CDH18: variants seen among roughly 807,000 people sequenced by gnomAD.
CDH18 encodes the protein cadherin 18.
A neutral mutation model predicts 67.9 loss-of-function variants in CDH18; 31 were observed. The ratio of observed to expected loss-of-function variants is 0.46; its 90% confidence interval spans 0.34 to 0.62. The LOEUF is 0.62. CDH18 is among the 20% of genes least tolerant of loss of function. CDH18 has a pLI of 0.01. For missense variants in CDH18, 890 were observed against 975.5 expected, an observed-to-expected ratio of 0.91 and a Z score of 1.17; for synonymous variants, 362 against 347.2, an observed-to-expected ratio of 1.04 and a Z score of -0.48.
chr5:20,407,647 A>G (rs1297684692), intron 1 of CDH18, among the ~76,000 whole-genome samples: 1 of 152,078 alleles, frequency 6.6e-6, no homozygotes, highest in Non-Finnish European at 1.5e-5. Context: ...AGCAGACTAG[A>G]TTAAACAGAA....
chr5:20,279,645 G>A (rs181322954), intron 1 of CDH18, among the ~76,000 whole-genome samples: 1 of 128,036 alleles, frequency 7.8e-6, no homozygotes, highest in Non-Finnish European at 1.6e-5. Context: ...GTTGCAGTGA[G>A]CCGAGATCAT....
At chr5:20,304,295 G>A (rs1736218312) in intron 1 of CDH18, 11 of 1,601,370 alleles carry the variant, frequency 6.9e-6, no homozygotes, top group Admixed American at 1.7e-5. Context: ...CTGATTTGCT[G>A]TAGGTTTTAA....
At chr5:19,550,347 C>G (rs1689683) in intron 8 of CDH18, among the ~76,000 whole-genome samples, 2 of 151,614 alleles carry the variant, frequency 1.3e-5, no homozygotes, top group African/African-American at 4.9e-5. Flanking sequence ...TGTGCCATGT[C>G]GGTGTGCTGC....
chr5:19,509,082 T>C (rs1258988240), intron 10 of CDH18, among the ~76,000 whole-genome samples: 1 of 152,076 alleles, frequency 6.6e-6, no homozygotes, highest in Non-Finnish European at 1.5e-5. Flanking sequence ...TTGGCCAGGC[T>C]GGTCTAGAAC....
Position 19,483,286 on chromosome 5 carries a change from T to G in CDH18, c.1882+15A>C. ...GAATTGCCATCATGCAAACTTAGGG[T>G]TTAGAATGACTTACCCAGGAGAATG... On this transcript the variant is annotated intron_variant, in intron 12 of 12. Transcript: ENST00000382275. The G allele has an allele frequency of 6.2e-7, 1 of 1,602,500 alleles. No homozygotes were observed. Among genetic ancestry groups the G allele is most frequent in the Non-Finnish European group, 8.5e-7 (1 of 1,173,814 alleles).
intron 2 of CDH18, among the ~76,000 whole-genome samples, chr5:20,074,465 T>A (rs1204660594): frequency 6.6e-6 from 1 of 152,140 alleles, no homozygotes; most frequent in African/African-American, 2.4e-5. Context: ...CTAAATAAAA[T>A]GTCTAAATAC....
intron 2 of CDH18, among the ~76,000 whole-genome samples, chr5:19,940,801 C>T (rs1465387296): frequency 6.6e-6 from 1 of 152,042 alleles, no homozygotes; most frequent in Non-Finnish European, 1.5e-5. Context: ...ATAGCACTTA[C>T]CACCAACAAC....
At chr5:20,517,786 C>T (rs532296279) in intron 1 of CDH18, among the ~76,000 whole-genome samples, 34 of 152,016 alleles carry the variant, frequency 2.2e-4, no homozygotes, top group Admixed American at 2.6e-4. Flanking sequence ...TTGCATGTTA[C>T]AGTAAGCATA....
At chr5:20,431,113 A>G (rs1015376529) in intron 1 of CDH18, among the ~76,000 whole-genome samples, 31 of 152,192 alleles carry the variant, frequency 2.0e-4, no homozygotes, top group African/African-American at 7.0e-4. Context: ...GTGTTAAAAT[A>G]AGCAGAAGTC....
chr5:20,421,702 G>A (rs1747872921), intron 1 of CDH18, among the ~76,000 whole-genome samples: 1 of 150,802 alleles, frequency 6.6e-6, no homozygotes, highest in African/African-American at 2.5e-5. Flanking sequence ...TATTAAAAAA[G>A]TAAAACTTGA....
chr5:20,374,936 C>A (rs1198051562), intron 1 of CDH18, among the ~76,000 whole-genome samples: 1 of 152,076 alleles, frequency 6.6e-6, no homozygotes, highest in Non-Finnish European at 1.5e-5. Flanking sequence ...ACCCTAGTAA[C>A]AATATAAATG....
At chr5:20,008,019 G>C (rs903391417) in intron 2 of CDH18, among the ~76,000 whole-genome samples, 1 of 151,756 alleles carries the variant, frequency 6.6e-6, no homozygotes, top group Non-Finnish European at 1.5e-5. Context: ...GCTGACCCCT[G>C]GTATAGACAT....
At chr5:20,376,459 A>G (rs1743452371) in intron 1 of CDH18, among the ~76,000 whole-genome samples, 1 of 151,262 alleles carries the variant, frequency 6.6e-6, no homozygotes, top group Non-Finnish European at 1.5e-5. Flanking sequence ...GAAAGTGATC[A>G]TATGTGTTTG....
At chr5:19,759,528 T>A (rs1484804359) in intron 3 of CDH18, among the ~76,000 whole-genome samples, 1 of 152,066 alleles carries the variant, frequency 6.6e-6, no homozygotes, top group African/African-American at 2.4e-5. Context: ...ACAGGCCGAG[T>A]CCAGGGACCC....
At chr5:20,390,153 T>C (rs1744710266) in intron 1 of CDH18, among the ~76,000 whole-genome samples, 1 of 152,114 alleles carries the variant, frequency 6.6e-6, no homozygotes. Context: ...CTAATTAAAC[T>C]AAAGAGTTTC....
chr5:19,924,751 T>C (rs908457821), intron 2 of CDH18, among the ~76,000 whole-genome samples: 1 of 152,198 alleles, frequency 6.6e-6, no homozygotes, highest in Non-Finnish European at 1.5e-5. Flanking sequence ...GTCATGTGAA[T>C]GGTGGCACCT....
intron 2 of CDH18, among the ~76,000 whole-genome samples, chr5:20,241,892 G>GTA (rs1554106527): frequency 4.6e-3 from 135 of 29,270 alleles, no homozygotes; most frequent in East Asian, 0.029. Context: ...ATATATATAT[G>GTA]TATATATATA....
intron 5 of CDH18, among the ~76,000 whole-genome samples, chr5:19,687,301 C>G (rs952932311): frequency 6.6e-6 from 1 of 152,162 alleles, no homozygotes; most frequent in Middle Eastern, 3.2e-3. Flanking sequence ...TTTTGAAAGA[C>G]CAGCCTCCAT....
chr5:20,200,818 T>C (rs1396779923), intron 2 of CDH18, among the ~76,000 whole-genome samples: 4 of 152,168 alleles, frequency 2.6e-5, no homozygotes, highest in Admixed American at 6.6e-5. Context: ...ATTAAAATGA[T>C]TGTAAACTAC....
Sources: allele counts gnomAD v4.1 joint callset (sites outside exome capture counted in the v4.1 genomes callset), GRCh38; gene constraint gnomAD v4.1.1; transcripts MANE v1.5; gene names NCBI Gene and HGNC (gene_info 2026-07-23, HGNC 2026-07-21).